The following SHISA6 variants were observed in gnomAD, a reference collection of about 807,000 sequenced individuals.
The protein encoded by SHISA6 is shisa family member 6.
In SHISA6, 22 loss-of-function variants were observed where a neutral mutation model predicts 47.9. The observed-to-expected ratio is 0.46, with a 90% CI of 0.33 to 0.66. The LOEUF is 0.66. Among genes scored for constraint, SHISA6 ranks in the 30% least tolerant of loss-of-function variants. The pLI is 0.02. For missense variants in SHISA6, 680 were observed against 764.6 expected, an observed-to-expected ratio of 0.89 and a Z score of 1.30; for synonymous variants, 388 against 337.8, an observed-to-expected ratio of 1.15 and a Z score of -1.63.
At chr17:11,381,939 TC>T (rs1913022863) in intron 3 of SHISA6, among the ~76,000 whole-genome samples, 1 of 152,214 alleles carries the variant, frequency 6.6e-6, no homozygotes, top group Non-Finnish European at 1.5e-5. Context: ...ACCTTCTCTT[TC>T]CAGGAATGTA....
At chr17:11,384,066 C>CA (rs1913118607) in intron 3 of SHISA6, among the ~76,000 whole-genome samples, 1 of 152,210 alleles carries the variant, frequency 6.6e-6, no homozygotes, top group Non-Finnish European at 1.5e-5. Flanking sequence ...TTCCCCTTTA[C>CA]AACCACCCTG....
chr17:11,535,100 C>G (rs1012699346), intron 3 of SHISA6, among the ~76,000 whole-genome samples: 2 of 152,016 alleles, frequency 1.3e-5, no homozygotes, highest in Non-Finnish European at 2.9e-5. Flanking sequence ...CACCACTGCA[C>G]TCCAGCCTGG....
intron 4 of SHISA6, among the ~76,000 whole-genome samples, chr17:11,553,599 A>C (rs1277477190): frequency 2.0e-5 from 3 of 152,118 alleles, no homozygotes; most frequent in Admixed American, 6.5e-5. Flanking sequence ...CTTCTTTCCC[A>C]GGAGCTGGCA....
rs1236226311 is a variant in SHISA6 at position 11,525,645 on chromosome 17, A to C, written c.896-26251A>C. 5.7e-3 allele frequency among the ~76,000 whole-genome samples: 527 copies of C among 91,724 alleles called. 6 individuals carry two copies. The highest frequency in any genetic ancestry group is 0.011 in the Middle Eastern group (2 of 178). 60.2% of individuals were successfully genotyped at this position (91,724 alleles called of 152,430 possible). A position where few individuals can be genotyped will look rare whatever the true frequency, so the allele number is the denominator to read the frequency against. Reference sequence around the variant, plus strand: ...AGACTCCGTCTCAAAAAAAAAAAAAAAAAAAACAAAAAAAAAAAAACGTGT... The same window carrying C: ...AGACTCCGTCTCAAAAAAAAAAAAACAAAAAACAAAAAAAAAAAAACGTGT... On this transcript the variant is annotated intron_variant, in intron 3 of 5. Transcript: ENST00000441885.
At chr17:11,417,467 A>G (rs948966389) in intron 3 of SHISA6, among the ~76,000 whole-genome samples, 2 of 152,180 alleles carry the variant, frequency 1.3e-5, no homozygotes, top group African/African-American at 4.8e-5. Flanking sequence ...TTGTATGGGG[A>G]GCACGTGGCC....
chr17:11,510,785 C>G (rs2142354346), intron 3 of SHISA6, among the ~76,000 whole-genome samples: 1 of 152,280 alleles, frequency 6.6e-6, no homozygotes, highest in Middle Eastern at 3.4e-3. Context: ...CAGTATGTTA[C>G]AATTAACAGA....
chr17:11,343,298 A>G (rs1161901015), intron 2 of SHISA6, among the ~76,000 whole-genome samples: 2 of 152,136 alleles, frequency 1.3e-5, no homozygotes, highest in Non-Finnish European at 2.9e-5. Flanking sequence ...AACTGATGTC[A>G]TCGGTTTAAT....
intron 2 of SHISA6, among the ~76,000 whole-genome samples, chr17:11,298,987 G>A (rs1597446288): frequency 6.6e-6 from 1 of 152,186 alleles, no homozygotes; most frequent in East Asian, 1.9e-4. Flanking sequence ...CTATTAGGTT[G>A]ATGCAAAAGT....
chr17:11,513,733 G>A (rs1219936553), intron 3 of SHISA6, among the ~76,000 whole-genome samples: 1 of 152,176 alleles, frequency 6.6e-6, no homozygotes, highest in Non-Finnish European at 1.5e-5. Context: ...CCCTTCACAA[G>A]TCGAGCATTG....
intron 3 of SHISA6, among the ~76,000 whole-genome samples, chr17:11,395,513 CTTTTTTT>C (rs886287303): frequency 3.4e-5 from 4 of 117,412 alleles, no homozygotes; most frequent in Admixed American, 2.5e-4. Context: ...GGCAGTTTTA[CTTTTTTT>C]TTTTTTTTTT....
chr17:11,491,068 G>A (rs562052990), intron 3 of SHISA6, among the ~76,000 whole-genome samples: 4 of 152,310 alleles, frequency 2.6e-5, no homozygotes, highest in African/African-American at 9.6e-5. Context: ...CTTCAGCCCA[G>A]TGTCAGTGTC....
intron 2 of SHISA6, among the ~76,000 whole-genome samples, chr17:11,326,527 G>T (rs1910902519): frequency 6.6e-6 from 1 of 152,200 alleles, no homozygotes; most frequent in South Asian, 2.1e-4. Context: ...CAGTCTTGGG[G>T]TTGGGGCCAA....
chr17:11,541,328 C>G (rs569926780), intron 3 of SHISA6, among the ~76,000 whole-genome samples: 2 of 152,274 alleles, frequency 1.3e-5, no homozygotes, highest in South Asian at 2.1e-4. Context: ...GTTTGGGAAA[C>G]AGCATCCTAG....
chr17:11,287,978 A>G (rs893823661), intron 2 of SHISA6, among the ~76,000 whole-genome samples: 3 of 152,144 alleles, frequency 2.0e-5, no homozygotes, highest in African/African-American at 7.2e-5. Flanking sequence ...CCCAACTTCA[A>G]AAATTGTCCA....
chr17:11,247,337 T>C (rs1485597738), intron 1 of SHISA6, among the ~76,000 whole-genome samples: 1 of 152,152 alleles, frequency 6.6e-6, no homozygotes, highest in Non-Finnish European at 1.5e-5. Context: ...GGCTGGCAGA[T>C]TGTATTTAGG....
intron 3 of SHISA6, among the ~76,000 whole-genome samples, chr17:11,550,065 T>C (rs891762058): frequency 3.3e-5 from 5 of 151,996 alleles, no homozygotes; most frequent in African/African-American, 1.2e-4. Flanking sequence ...ACATTTTTTT[T>C]TTTTTCCGAG....
At chr17:11,283,190 A>C (rs1034928718) in intron 2 of SHISA6, among the ~76,000 whole-genome samples, 2 of 152,240 alleles carry the variant, frequency 1.3e-5, no homozygotes, top group Admixed American at 1.3e-4. Flanking sequence ...AAAATATGCA[A>C]TAAATTGCAT....
intron 2 of SHISA6, among the ~76,000 whole-genome samples, chr17:11,378,414 T>C (rs1292611834): frequency 6.6e-6 from 1 of 152,212 alleles, no homozygotes; most frequent in African/African-American, 2.4e-5. Context: ...ACCGTTTCTG[T>C]CCATTTTTAA....
intron 4 of SHISA6, 82 bp from the exon 5 acceptor site, chr17:11,555,658 T>G: frequency 7.1e-7 from 1 of 1,407,790 alleles, no homozygotes; most frequent in Non-Finnish European, 9.4e-7. Context: ...GGATGGGGAT[T>G]CGAATCAGGG....
Sources: gnomAD v4.1 joint callset for allele counts (sites outside exome capture counted in the v4.1 genomes callset) on GRCh38, gnomAD v4.1.1 for gene constraint, MANE v1.5 for transcripts, NCBI Gene and HGNC (gene_info 2026-07-23, HGNC 2026-07-21) for gene names.